Variants in STK39 observed in about 807,000 individuals in gnomAD.
The protein encoded by STK39 is serine/threonine kinase 39, also known as STE20/SPS1-related proline-alanine-rich protein kinase.
A neutral mutation model predicts 77.8 loss-of-function variants in STK39; 20 were observed. The observed-to-expected ratio is 0.26, with a 90% CI of 0.18 to 0.37. The LOEUF (loss-of-function observed/expected upper bound fraction) is 0.37, where lower values mean the gene tolerates loss of function less well. Among genes scored for constraint, STK39 ranks in the 10% least tolerant of loss-of-function variants. STK39 has a pLI of 1.00. For missense variants in STK39, 479 were observed against 656.5 expected (o/e 0.73, Z 2.95); for synonymous variants, 246 against 234.1 (o/e 1.05, Z -0.47).
chr2:168,138,502 G>T lies in STK39; in HGVS notation c.841-281C>A, dbSNP rs185882574. Among the ~76,000 whole-genome samples, 34 of 152,302 alleles carry T rather than the reference G, an allele frequency of 2.2e-4. No individual in the cohort carries two copies. The East Asian group carries it at 5.4e-3, about 24-fold the overall frequency. On this transcript the variant is annotated intron_variant, in intron 7 of 17. Transcript: ENST00000355999. ...CAGAGCTTTCTGGGAACTGGCTCGTGTACTGCCTTGAGGAGCACGTAGCTC... is the reference window on the plus strand; with the variant it reads ...CAGAGCTTTCTGGGAACTGGCTCGTTTACTGCCTTGAGGAGCACGTAGCTC...
intron 14 of STK39, among the ~76,000 whole-genome samples, chr2:168,059,684 C>A (rs1379531634): frequency 1.3e-5 from 2 of 152,206 alleles, no homozygotes; most frequent in Non-Finnish European, 2.9e-5. Context: ...CCCGGACTTA[C>A]AACCTACAGA....
At chr2:168,133,879 G>A (rs1433446628) in intron 8 of STK39, among the ~76,000 whole-genome samples, 2 of 151,986 alleles carry the variant, frequency 1.3e-5, no homozygotes, top group Non-Finnish European at 2.9e-5. Flanking sequence ...AAATGACAGA[G>A]GGAAGACAGT....
chr2:167,996,527 G>A (rs1186066710), intron 16 of STK39, among the ~76,000 whole-genome samples: 5 of 152,128 alleles, frequency 3.3e-5, no homozygotes, highest in South Asian at 4.2e-4. Context: ...CGTCCAGCCC[G>A]CCCCCCAGGC....
intron 1 of STK39, among the ~76,000 whole-genome samples, 167 bp downstream of exon 1, chr2:168,247,061 T>TTAA (rs1213358903): frequency 0.033 from 2,927 of 89,218 alleles, 287 homozygotes; most frequent in Non-Finnish European, 0.042. Context: ...CATTAAAAAT[T>TTAA]AAAAAAAAAA....
intron 10 of STK39, among the ~76,000 whole-genome samples, chr2:168,089,475 C>A (rs1234713140): frequency 2.0e-5 from 3 of 152,148 alleles, no homozygotes; most frequent in Non-Finnish European, 2.9e-5. Flanking sequence ...GGATAAGTTG[C>A]CTAATAACTT....
At chr2:168,084,004 C>G (rs1448492180) in intron 10 of STK39, among the ~76,000 whole-genome samples, 3 of 149,890 alleles carry the variant, frequency 2.0e-5, no homozygotes, top group Non-Finnish European at 4.4e-5. Flanking sequence ...TGTGAATGCT[C>G]TTGACTTATT....
chr2:167,981,035 C>T (rs1900285), intron 16 of STK39, among the ~76,000 whole-genome samples: 5 of 151,486 alleles, frequency 3.3e-5, no homozygotes, highest in African/African-American at 9.7e-5. Flanking sequence ...CTTCACACTA[C>T]GTTAGGCCAC....
chr2:168,025,565 A>G (rs1189249002), intron 14 of STK39, among the ~76,000 whole-genome samples: 2 of 152,262 alleles, frequency 1.3e-5, no homozygotes, highest in African/African-American at 4.8e-5. Context: ...ACACACGTAT[A>G]CATGGCTTTT....
chr2:168,167,157 G>T, intron 3 of STK39, 142 bp downstream of exon 3: 1 of 686,150 alleles, frequency 1.5e-6, no homozygotes, highest in Non-Finnish European at 2.5e-6. Flanking sequence ...CAATCTGGAC[G>T]TTATCCTCTA....
chr2:168,236,813 T>A (rs1251996964), intron 1 of STK39, among the ~76,000 whole-genome samples: 1 of 152,122 alleles, frequency 6.6e-6, no homozygotes, highest in African/African-American at 2.4e-5. Flanking sequence ...TCTATATCTC[T>A]GTTTTGGTAC....
chr2:167,977,882 T>C (rs1683321874), intron 16 of STK39, among the ~76,000 whole-genome samples: 1 of 152,332 alleles, frequency 6.6e-6, no homozygotes, highest in South Asian at 2.1e-4. Context: ...GTTTTATTAC[T>C]ACTCAAATCA....
intron 3 of STK39, 57 bp downstream of exon 3, chr2:168,167,242 G>A: frequency 7.0e-7 from 1 of 1,434,308 alleles, no homozygotes; most frequent in Non-Finnish European, 9.8e-7. Flanking sequence ...CAATATGCTG[G>A]TTCCAACAAA....
At chr2:168,125,825 A>G (rs923721890) in intron 10 of STK39, among the ~76,000 whole-genome samples, 8 of 152,158 alleles carry the variant, frequency 5.3e-5, no homozygotes, top group African/African-American at 1.9e-4. Flanking sequence ...AGACAAGATC[A>G]CCTACCCTCG....
chr2:167,975,536 C>A (rs1376507802), intron 16 of STK39, among the ~76,000 whole-genome samples: 1 of 152,162 alleles, frequency 6.6e-6, no homozygotes, highest in African/African-American at 2.4e-5. Flanking sequence ...GGACTGTAGG[C>A]CGGGCACGGT....
intron 14 of STK39, among the ~76,000 whole-genome samples, chr2:168,025,604 A>G (rs909399128): frequency 3.3e-5 from 5 of 152,214 alleles, no homozygotes; most frequent in Non-Finnish European, 7.3e-5. Context: ...CAACAGCAGG[A>G]AAAAGGGCTG....
At chr2:168,188,737 G>C (rs954511769) in intron 1 of STK39, among the ~76,000 whole-genome samples, 6 of 152,180 alleles carry the variant, frequency 3.9e-5, no homozygotes, top group Admixed American at 3.9e-4. Context: ...TTATCACAGC[G>C]ACTCTTCTGT....
intron 1 of STK39, among the ~76,000 whole-genome samples, chr2:168,228,996 T>G (rs1431521323): frequency 1.3e-5 from 2 of 152,162 alleles, no homozygotes; most frequent in Non-Finnish European, 2.9e-5. Flanking sequence ...TTTATAAAGA[T>G]AACATTTAGC....
intron 14 of STK39, among the ~76,000 whole-genome samples, chr2:168,034,750 G>C (rs893199570): frequency 4.6e-5 from 7 of 152,220 alleles, no homozygotes; most frequent in African/African-American, 7.2e-5. Context: ...AGAGCATTAT[G>C]AAGATGGCCC....
chr2:168,069,215 C>T (rs1235237557), intron 12 of STK39, among the ~76,000 whole-genome samples: 1 of 152,098 alleles, frequency 6.6e-6, no homozygotes, highest in Non-Finnish European at 1.5e-5. Context: ...TGCGCCTGAC[C>T]CACAGAAATA....
Sources: allele counts gnomAD v4.1 joint callset (sites outside exome capture counted in the v4.1 genomes callset), GRCh38; gene constraint gnomAD v4.1.1; transcripts MANE v1.5; gene names NCBI Gene and HGNC (gene_info 2026-07-23, HGNC 2026-07-21).